The following DLGAP2 variants were observed in gnomAD, a reference collection of about 807,000 sequenced individuals.
DLGAP2 encodes disks large-associated protein 2.
Under a neutral mutation model 100.3 loss-of-function variants are expected in DLGAP2, and 26 were observed. The observed-to-expected ratio is 0.26, with a 90% CI of 0.19 to 0.36. The LOEUF (loss-of-function observed/expected upper bound fraction) is 0.36, where lower values mean the gene tolerates loss of function less well. Among genes scored for constraint, DLGAP2 ranks in the 10% least tolerant of loss-of-function variants. The pLI is 1.00. For synonymous variants in DLGAP2, 886 were observed against 630.1 expected (o/e 1.41, Z -6.08); for missense variants, 1,858 against 1,453.2 (o/e 1.28, Z -4.53).
chr8:1,490,298 A>C (rs972433890), intron 3 of DLGAP2, among the ~76,000 whole-genome samples: 3 of 152,252 alleles, frequency 2.0e-5, no homozygotes, highest in Non-Finnish European at 4.4e-5. Flanking sequence ...TGCTCCTGCC[A>C]CATCGAAGCA....
intron 2 of DLGAP2, among the ~76,000 whole-genome samples, chr8:993,740 G>A (rs908130570): frequency 6.8e-6 from 1 of 146,416 alleles, no homozygotes; most frequent in Non-Finnish European, 1.5e-5. Flanking sequence ...CAGAGGAGCA[G>A]TTCTCTAGAT....
At chr8:1,032,506 T>A (rs1382767831) in intron 2 of DLGAP2, 2 of 152,262 alleles carry the variant, frequency 1.3e-5, no homozygotes, top group Non-Finnish European at 2.9e-5. Flanking sequence ...GTTGGCTACA[T>A]ATTACAGGAC....
At chr8:745,433 C>T (rs1263947386) in intron 1 of DLGAP2, among the ~76,000 whole-genome samples, 4 of 152,104 alleles carry the variant, frequency 2.6e-5, no homozygotes, top group African/African-American at 9.7e-5. Context: ...ACTTGAGTTC[C>T]GTAGTTCTTT....
chr8:1,248,751 G>T (rs942190715), intron 2 of DLGAP2: 3 of 152,584 alleles, frequency 2.0e-5, no homozygotes, highest in African/African-American at 7.3e-5. Context: ...GGAAGTGGAC[G>T]GTGAGGTTCA....
chr8:1,202,792 A>G (rs1163335801), intron 2 of DLGAP2, among the ~76,000 whole-genome samples: 1 of 152,180 alleles, frequency 6.6e-6, no homozygotes, highest in African/African-American at 2.4e-5. Context: ...CCCAAATGAC[A>G]ATCACCCAAG....
intron 8 of DLGAP2, among the ~76,000 whole-genome samples, chr8:1,645,170 G>T (rs757330783): frequency 2.0e-4 from 30 of 152,254 alleles, no homozygotes; most frequent in Non-Finnish European, 3.7e-4. Context: ...TTCAACATCA[G>T]TACAGACCAC....
At chr8:1,230,973 G>C (rs1406590453) in intron 2 of DLGAP2, among the ~76,000 whole-genome samples, 1 of 152,134 alleles carries the variant, frequency 6.6e-6, no homozygotes, top group African/African-American at 2.4e-5. Context: ...TTAAGTCCTT[G>C]AAAGCAACTG....
intron 8 of DLGAP2, among the ~76,000 whole-genome samples, chr8:1,643,278 C>T (rs1196638417): frequency 6.1e-5 from 1 of 16,336 alleles, no homozygotes; most frequent in African/African-American, 5.7e-4. Flanking sequence ...TCGACCCCGC[C>T]GGTCCTCACC....
At chr8:1,124,601 C>G (rs962805514) in intron 2 of DLGAP2, among the ~76,000 whole-genome samples, 2 of 152,118 alleles carry the variant, frequency 1.3e-5, no homozygotes, top group African/African-American at 2.4e-5. Flanking sequence ...TAGCTGTGTT[C>G]CTGCACTAAG....
chr8:1,140,426 G>C (rs762703723), intron 2 of DLGAP2, among the ~76,000 whole-genome samples: 4 of 148,476 alleles, frequency 2.7e-5, no homozygotes, highest in Non-Finnish European at 6.0e-5. Context: ...TCCCCTACCA[G>C]TGGTCTGTCC....
At chr8:860,323 C>A (rs1797365238) in intron 1 of DLGAP2, among the ~76,000 whole-genome samples, 1 of 152,226 alleles carries the variant, frequency 6.6e-6, no homozygotes, top group South Asian at 2.1e-4. Context: ...GCTGCCGCTG[C>A]CAGCTCTGCT....
At chr8:759,778 C>A (rs1358724347) in intron 1 of DLGAP2, among the ~76,000 whole-genome samples, 2 of 152,192 alleles carry the variant, frequency 1.3e-5, no homozygotes, top group Admixed American at 1.3e-4. Flanking sequence ...ACTACCTCTT[C>A]CCCTCTCTCG....
intron 1 of DLGAP2, among the ~76,000 whole-genome samples, chr8:840,599 C>T (rs1397513604): frequency 3.6e-5 from 3 of 82,678 alleles, no homozygotes; most frequent in African/African-American, 3.9e-5. Context: ...TCCCCACACT[C>T]TGGATTCTGC....
chr8:1,056,033 G>A (rs1459182161), intron 2 of DLGAP2, among the ~76,000 whole-genome samples: 1 of 152,224 alleles, frequency 6.6e-6, no homozygotes, highest in African/African-American at 2.4e-5. Flanking sequence ...GGAGTTGAGA[G>A]CAGAGAGGGC....
intron 3 of DLGAP2, among the ~76,000 whole-genome samples, chr8:1,283,180 C>T (rs958375099): frequency 2.6e-5 from 4 of 151,108 alleles, no homozygotes; most frequent in Non-Finnish European, 4.4e-5. Flanking sequence ...GACCTGAACC[C>T]AGCACGTGAA....
chr8:763,085 C>T (rs1431668283), intron 1 of DLGAP2, among the ~76,000 whole-genome samples: 7 of 151,352 alleles, frequency 4.6e-5, no homozygotes, highest in African/African-American at 1.7e-4. Context: ...AAAGGGAAGA[C>T]GACTAGTTTA....
At chr8:1,053,392 G>A (rs1296046373) in intron 2 of DLGAP2, among the ~76,000 whole-genome samples, 2 of 152,138 alleles carry the variant, frequency 1.3e-5, no homozygotes, top group African/African-American at 4.8e-5. Context: ...CATACCCTTG[G>A]AAGGGAAGGA....
In DLGAP2 at chr8:1,205,323, G is replaced by A. The variant is rs533422675; in HGVS notation, c.74-53528G>A. Among the ~76,000 whole-genome samples, 8 of 152,298 alleles carry A rather than the reference G, an allele frequency of 5.3e-5. No individual in the cohort carries two copies. The South Asian group carries it at 1.2e-3, about 24-fold the overall frequency. ...GGGATAGCCCCTGAGGCGACGGGCA[G>A]CCTGTTCCTCAGGGTCTTGGCTATT... On this transcript the variant is annotated intron_variant, in intron 2 of 14. Transcript: ENST00000637795.
At chr8:1,125,257 A>C (rs1263531694) in intron 2 of DLGAP2, among the ~76,000 whole-genome samples, 8 of 152,202 alleles carry the variant, frequency 5.3e-5, no homozygotes, top group African/African-American at 1.7e-4. Context: ...AAGATATTTC[A>C]TTGTCATTGT....
Sources: gnomAD v4.1 joint callset for allele counts (sites outside exome capture counted in the v4.1 genomes callset) on GRCh38, gnomAD v4.1.1 for gene constraint, MANE v1.5 for transcripts, NCBI Gene and HGNC (gene_info 2026-07-23, HGNC 2026-07-21) for gene names.